Variants in MELK observed in about 807,000 individuals in gnomAD.
The protein encoded by MELK is pEg3 kinase.
Under a neutral mutation model 85.0 loss-of-function variants are expected in MELK, and 81 were observed. The observed-to-expected ratio is 0.95, with a 90% CI of 0.80 to 1.15. The LOEUF is 1.15. Among genes scored for constraint, MELK ranks in the 50% most tolerant of loss-of-function variants. The pLI is 0.00. For missense variants in MELK, 754 were observed against 777.5 expected, an observed-to-expected ratio of 0.97 and a Z score of 0.36; for synonymous variants, 252 against 265.0, an observed-to-expected ratio of 0.95 and a Z score of 0.48.
At chr9:36,584,811 G>A (rs1438176095) in intron 3 of MELK, among the ~76,000 whole-genome samples, 3 of 149,438 alleles carry the variant, frequency 2.0e-5, no homozygotes, top group Admixed American at 6.7e-5. Flanking sequence ...TGTACCTGCT[G>A]GGCTTAAGTG....
At chr9:36,667,237 C>T (rs928290540) in intron 14 of MELK, among the ~76,000 whole-genome samples, 2 of 151,624 alleles carry the variant, frequency 1.3e-5, no homozygotes, top group African/African-American at 2.4e-5. Flanking sequence ...CTCACTGCAA[C>T]CTCTGCCTCC....
chr9:36,632,527 G>T (rs1307954738), intron 9 of MELK, among the ~76,000 whole-genome samples: 1 of 151,842 alleles, frequency 6.6e-6, no homozygotes. Flanking sequence ...TTTACCTCAG[G>T]CTCACTCACC....
chr9:36,639,455 A>G (rs972070173), intron 10 of MELK, among the ~76,000 whole-genome samples: 7 of 152,134 alleles, frequency 4.6e-5, no homozygotes, highest in Admixed American at 3.3e-4. Context: ...GCCTCCTACC[A>G]TTTTCATACA....
At chr9:36,658,033 G>A (rs983893863) in intron 13 of MELK, among the ~76,000 whole-genome samples, 4 of 150,588 alleles carry the variant, frequency 2.7e-5, no homozygotes, top group Non-Finnish European at 4.4e-5. Context: ...AAACAGTTCC[G>A]TTACTCCTCA....
intron 11 of MELK, among the ~76,000 whole-genome samples, chr9:36,650,053 C>G (rs57697542): frequency 1.3e-5 from 2 of 152,076 alleles, no homozygotes; most frequent in East Asian, 1.9e-4. Context: ...ACGTCATTCT[C>G]CTGCCTCAGC....
At chr9:36,623,855 G>A (rs1827677348) in intron 8 of MELK, among the ~76,000 whole-genome samples, 1 of 152,208 alleles carries the variant, frequency 6.6e-6, no homozygotes, top group African/African-American at 2.4e-5. Flanking sequence ...TACATGCAAG[G>A]CAGTATGCCG....
chr9:36,581,490 G>A (rs1360009891), intron 1 of MELK, among the ~76,000 whole-genome samples, 154 bp from the exon 2 acceptor site: 2 of 151,826 alleles, frequency 1.3e-5, no homozygotes, highest in African/African-American at 4.8e-5. Context: ...TTTATGTATG[G>A]TGTGAGATAA....
At chr9:36,604,860 C>T (rs1006422481) in intron 7 of MELK, among the ~76,000 whole-genome samples, 4 of 152,160 alleles carry the variant, frequency 2.6e-5, no homozygotes, top group African/African-American at 9.7e-5. Context: ...TCAGGCTGGT[C>T]TTGAACTCCC....
intron 4 of MELK, among the ~76,000 whole-genome samples, chr9:36,593,171 T>G (rs1003341292): frequency 6.6e-6 from 1 of 150,566 alleles, no homozygotes; most frequent in African/African-American, 2.5e-5. Context: ...TGTAAAGAGC[T>G]TCCTCTTTTT....
intron 8 of MELK, among the ~76,000 whole-genome samples, chr9:36,616,150 G>C (rs903584497): frequency 6.6e-6 from 1 of 152,154 alleles, no homozygotes; most frequent in African/African-American, 2.4e-5. Context: ...TATATACAAA[G>C]GGTAAAGTAA....
chr9:36,603,204 T>C lies in MELK; in HGVS notation c.567+3718T>C, dbSNP rs573367989. On this transcript the variant is annotated intron_variant, in intron 7 of 17. Coordinates refer to ENST00000298048, the MANE Select transcript of MELK (RefSeq NM_014791.4). ...TAGTGGACTGAGGAGTCATTTGAGATACTTACTAAATGATGCAGAGCTCAG... is the reference window on the plus strand; with the variant it reads ...TAGTGGACTGAGGAGTCATTTGAGACACTTACTAAATGATGCAGAGCTCAG... Among the ~76,000 whole-genome samples the C allele has an allele frequency of 6.6e-5, 10 of 152,280 alleles. No individual in the cohort carries two copies. In the South Asian group the frequency reaches 1.0e-3, roughly 16 times the overall value.
rs540478358 is a variant in MELK at position 36,649,872 on chromosome 9, G to A, written c.922-1874G>A. Reference sequence around the variant, plus strand: ...GGCCAAGATGGGAGGATTGGTTGAGGCCAGGAGTTCAAGATCAGCCTGGGC... The same window carrying A: ...GGCCAAGATGGGAGGATTGGTTGAGACCAGGAGTTCAAGATCAGCCTGGGC... On this transcript the variant is annotated intron_variant, in intron 11 of 17. Transcript: ENST00000298048. Among the ~76,000 whole-genome samples the A allele has an allele frequency of 1.1e-4, 17 of 152,194 alleles. No individual in the cohort carries two copies. In the East Asian group the frequency reaches 1.5e-3, roughly 14 times the overall value.
intron 3 of MELK, 88 bp downstream of exon 3, chr9:36,583,800 C>T (rs1822522585): frequency 1.3e-5 from 11 of 865,176 alleles, no homozygotes; most frequent in Admixed American, 2.5e-5. Context: ...CTAGTTACTG[C>T]TCTTAGAATA....
At chr9:36,599,845 C>T (rs1038766052) in intron 7 of MELK, among the ~76,000 whole-genome samples, 1 of 152,148 alleles carries the variant, frequency 6.6e-6, no homozygotes, top group Non-Finnish European at 1.5e-5. Context: ...ACCTGTGCTT[C>T]GTCCATCCAG....
chr9:36,670,962 A>C (rs1021278304), intron 15 of MELK, 36 bp from the exon 16 acceptor site: 1 of 1,575,180 alleles, frequency 6.3e-7, no homozygotes, highest in African/African-American at 1.4e-5. Context: ...CCGGAGGCCC[A>C]GCTCTACTTG....
chr9:36,630,377 AT>A lies in MELK; in HGVS notation c.735+15del. ...TCAACAAATGCTGCAGGTAAACTTTATTTTTAAATAATAGAAGTCTATTGTA... is the reference window on the plus strand; with the variant it reads ...TCAACAAATGCTGCAGGTAAACTTTATTTTAAATAATAGAAGTCTATTGTA... On this transcript the variant is annotated intron_variant, in intron 9 of 17. Transcript: ENST00000298048. 1.3e-6 allele frequency: 2 copies of A among 1,588,230 alleles called. No individual in the cohort carries two copies.
intron 8 of MELK, among the ~76,000 whole-genome samples, chr9:36,614,966 C>T (rs931490335): frequency 1.8e-4 from 27 of 147,426 alleles, no homozygotes; most frequent in African/African-American, 5.9e-4. Context: ...ACCTCCCAGA[C>T]GGGGTGGTGG....
At chr9:36,621,316 A>C (rs867117105) in intron 8 of MELK, among the ~76,000 whole-genome samples, 2,645 of 132,308 alleles carry the variant, frequency 0.02, 119 homozygotes, top group African/African-American at 0.075. Context: ...AAAAAAAAAA[A>C]ACTTGAGTAG....
intron 16 of MELK, among the ~76,000 whole-genome samples, chr9:36,674,534 TCAAA>T (rs1286261658): frequency 1.3e-5 from 2 of 152,164 alleles, no homozygotes; most frequent in South Asian, 2.1e-4. Flanking sequence ...TAGGCAAAGC[TCAAA>T]CAGTTAGATG....
Sources: gnomAD v4.1 joint callset for allele counts (sites outside exome capture counted in the v4.1 genomes callset) on GRCh38, gnomAD v4.1.1 for gene constraint, MANE v1.5 for transcripts, NCBI Gene and HGNC (gene_info 2026-07-23, HGNC 2026-07-21) for gene names.